SNTB1: variants seen among roughly 807,000 people sequenced by gnomAD.
SNTB1 encodes syntrophin beta 1.
A neutral mutation model predicts 48.9 loss-of-function variants in SNTB1; 36 were observed. That is an observed-to-expected ratio of 0.74 (90% CI 0.56 to 0.97). The LOEUF (loss-of-function observed/expected upper bound fraction) is 0.97, where lower values mean the gene tolerates loss of function less well. Ranked by LOEUF, SNTB1 falls within the 50% of genes least tolerant of loss-of-function variation. SNTB1 has a pLI of 0.00. For missense variants in SNTB1, 786 were observed against 703.4 expected (o/e 1.12, Z -1.33); for synonymous variants, 299 against 294.6 (o/e 1.01, Z -0.15).
chr8:120,789,603 C>T (rs899384537), intron 1 of SNTB1, among the ~76,000 whole-genome samples: 1 of 151,918 alleles, frequency 6.6e-6, no homozygotes, highest in Admixed American at 6.6e-5. Context: ...ACTATGAACA[C>T]CTCTATGCAC....
rs930295681 is a variant in SNTB1, at chr8:120,536,246, C to A, written c.*2631G>T. ...ACATCTACTGACAAATAGGCAACTT[C>A]CCATAAAGTACAGATTAAAACATCA... On this transcript the variant is annotated 3_prime_UTR_variant, in exon 7 of 7. Transcript: ENST00000517992. 6.6e-6 allele frequency: 1 copy of A among 152,208 alleles called. No homozygotes were observed. Among genetic ancestry groups the A allele is most frequent in the Non-Finnish European group, 1.5e-5 (1 of 68,048 alleles). The allele number at this position is 152,208 out of a possible 1,614,324, so 9.4% of individuals were successfully genotyped here.
At chr8:120,749,157 G>A (rs1292776970) in intron 1 of SNTB1, among the ~76,000 whole-genome samples, 2 of 152,132 alleles carry the variant, frequency 1.3e-5, no homozygotes, top group African/African-American at 2.4e-5. Context: ...GGAAAAGAAC[G>A]AGAAGACGTC....
intron 4 of SNTB1, among the ~76,000 whole-genome samples, chr8:120,569,430 A>G (rs537058554): frequency 1.3e-5 from 2 of 152,340 alleles, no homozygotes; most frequent in East Asian, 3.9e-4. Context: ...AACCTGTAGC[A>G]GACACTTTCA....
chr8:120,742,235 C>A (rs1474459106), intron 1 of SNTB1, among the ~76,000 whole-genome samples: 1 of 152,184 alleles, frequency 6.6e-6, no homozygotes, highest in East Asian at 1.9e-4. Flanking sequence ...TTAAGTAAAA[C>A]CATTTTGAGT....
intron 1 of SNTB1, among the ~76,000 whole-genome samples, chr8:120,799,557 C>T (rs1820180288): frequency 6.6e-6 from 1 of 150,928 alleles, no homozygotes; most frequent in African/African-American, 2.4e-5. Context: ...AAGAGTTGTA[C>T]ATAAAAATCT....
chr8:120,673,294 C>CT (rs112897189), intron 2 of SNTB1, among the ~76,000 whole-genome samples: 355 of 143,666 alleles, frequency 2.5e-3, no homozygotes, highest in African/African-American at 4.1e-3. Flanking sequence ...TTTTTTCTTT[C>CT]TTTTTTTTTT....
intron 1 of SNTB1, among the ~76,000 whole-genome samples, chr8:120,797,982 T>C (rs914824096): frequency 6.6e-6 from 1 of 151,904 alleles, no homozygotes; most frequent in Non-Finnish European, 1.5e-5. Context: ...CACACAAGAA[T>C]AGTACTATTA....
Position 120,768,520 on chromosome 8 carries a change from C to G in SNTB1, c.571+42753G>C, listed in dbSNP as rs1386422707. On this transcript the variant is annotated intron_variant, in intron 1 of 6. Transcript: ENST00000517992. ...TGGGAGGAGGGGCAGACAGCAAACACATGAATGAGTACACATACACTATGC... is the reference window on the plus strand; with the variant it reads ...TGGGAGGAGGGGCAGACAGCAAACAGATGAATGAGTACACATACACTATGC... 2.0e-5 allele frequency: 3 copies of G among 152,150 alleles called. No homozygotes were observed. In the East Asian group the frequency reaches 5.8e-4, roughly 29 times the overall value. 9.4% of individuals were successfully genotyped at this position (152,150 alleles called of 1,614,324 possible).
intron 3 of SNTB1, among the ~76,000 whole-genome samples, chr8:120,579,390 A>C (rs1327399687): frequency 6.6e-6 from 1 of 151,898 alleles, no homozygotes; most frequent in Non-Finnish European, 1.5e-5. Context: ...AAATATCTAG[A>C]ATCTGGCAGG....
intron 1 of SNTB1, among the ~76,000 whole-genome samples, chr8:120,807,359 G>A (rs1820352123): frequency 6.6e-6 from 1 of 152,220 alleles, no homozygotes; most frequent in Non-Finnish European, 1.5e-5. Context: ...CAGAGGGTGC[G>A]ATTGACACTA....
At chr8:120,618,735 C>T (rs370081694) in intron 3 of SNTB1, among the ~76,000 whole-genome samples, 21 of 152,222 alleles carry the variant, frequency 1.4e-4, no homozygotes, top group East Asian at 5.8e-4. Context: ...GGCTGTTGGA[C>T]GCTGGATGAA....
intron 1 of SNTB1, among the ~76,000 whole-genome samples, chr8:120,752,011 C>T (rs1033618481): frequency 2.0e-5 from 3 of 152,104 alleles, no homozygotes; most frequent in Admixed American, 2.0e-4. Context: ...TGTTAGTGAT[C>T]GTCTTATTTT....
intron 2 of SNTB1, among the ~76,000 whole-genome samples, chr8:120,660,896 A>T (rs1339900148): frequency 6.6e-6 from 1 of 152,172 alleles, no homozygotes; most frequent in African/African-American, 2.4e-5. Context: ...GGAGAGGGAG[A>T]GAGATGGGAG....
At chr8:120,589,793 T>G (rs1453051576) in intron 3 of SNTB1, among the ~76,000 whole-genome samples, 1 of 152,148 alleles carries the variant, frequency 6.6e-6, no homozygotes, top group Non-Finnish European at 1.5e-5. Flanking sequence ...ATAATTACCC[T>G]TATGCCCCCT....
chr8:120,772,656 C>T (rs1423556973), intron 1 of SNTB1, among the ~76,000 whole-genome samples: 3 of 152,106 alleles, frequency 2.0e-5, no homozygotes, highest in Middle Eastern at 3.2e-3. Context: ...GTCAACTAAG[C>T]TGAAATGAGA....
Position 120,717,212 on chromosome 8 carries a change from T to A in SNTB1, c.572-23304A>T, listed in dbSNP as rs572828040. ...TCTGATCCTCAGGCCACTACGGACC[T>A]CACTGATAATGGAAATGCAGCTTAA... On this transcript the variant is annotated intron_variant, in intron 1 of 6. Coordinates refer to ENST00000517992, the MANE Select transcript of SNTB1 (RefSeq NM_021021.4). Among the ~76,000 whole-genome samples, 7 of 152,336 alleles carry A rather than the reference T, an allele frequency of 4.6e-5. No individual in the cohort carries two copies. The East Asian group carries it at 1.3e-3, about 29-fold the overall frequency.
intron 2 of SNTB1, chr8:120,635,821 G>A: frequency 6.8e-6 from 2 of 292,764 alleles, no homozygotes; most frequent in South Asian, 4.5e-5. Flanking sequence ...AGAGTCATAT[G>A]TACTTCCTTA....
intron 1 of SNTB1, among the ~76,000 whole-genome samples, chr8:120,706,714 A>G (rs935623086): frequency 6.6e-6 from 1 of 152,152 alleles, no homozygotes; most frequent in African/African-American, 2.4e-5. Context: ...TTTACGTCAA[A>G]AGCAGGAAGT....
intron 1 of SNTB1, among the ~76,000 whole-genome samples, chr8:120,697,878 A>G (rs562090478): frequency 6.6e-6 from 1 of 152,376 alleles, no homozygotes; most frequent in Admixed American, 6.5e-5. Flanking sequence ...ACCAGAATTG[A>G]AACTTCCATA....
Sources: allele counts gnomAD v4.1 joint callset (sites outside exome capture counted in the v4.1 genomes callset), GRCh38; gene constraint gnomAD v4.1.1; transcripts MANE v1.5; gene names NCBI Gene and HGNC (gene_info 2026-07-23, HGNC 2026-07-21).